The following DIP2C variants were observed in gnomAD, a reference collection of about 807,000 sequenced individuals.
The protein encoded by DIP2C is DIP2 acetate--CoA ligase C (putative), also known as disco-interacting protein 2 homolog C.
Under a neutral mutation model 192.4 loss-of-function variants are expected in DIP2C, and 33 were observed. The observed-to-expected ratio is 0.17, with a 90% CI of 0.13 to 0.23. The LOEUF (loss-of-function observed/expected upper bound fraction) is 0.23. Among genes scored for constraint, DIP2C ranks in the 10% least tolerant of loss-of-function variants. DIP2C has a pLI of 1.00. For missense variants in DIP2C, 1,537 were observed against 2,110.1 expected (o/e 0.73, Z 5.32); for synonymous variants, 979 against 864.1 (o/e 1.13, Z -2.33).
At chr10:617,604 G>T (rs368898564) in intron 1 of DIP2C, among the ~76,000 whole-genome samples, 1 of 152,006 alleles carries the variant, frequency 6.6e-6, no homozygotes, top group Admixed American at 6.5e-5. Context: ...GACCTGCCAC[G>T]TAGCGGCCAC....
At chr10:537,419 T>C (rs1847750413) in intron 1 of DIP2C, among the ~76,000 whole-genome samples, 1 of 152,208 alleles carries the variant, frequency 6.6e-6, no homozygotes, top group Admixed American at 6.5e-5. Flanking sequence ...TGGCGCAGAC[T>C]CCGGTTCCTT....
At chr10:343,775 G>A (rs1958276184) in intron 28 of DIP2C, among the ~76,000 whole-genome samples, 1 of 152,218 alleles carries the variant, frequency 6.6e-6, no homozygotes. Flanking sequence ...CTATTTCTAG[G>A]TGGAGAATTC....
chr10:283,166 C>A, intron 35 of DIP2C, 106 bp downstream of exon 35: 1 of 1,441,690 alleles, frequency 6.9e-7, no homozygotes, highest in Non-Finnish European at 9.4e-7. Flanking sequence ...GCACACGTGC[C>A]CTCCTGGCTT....
intron 1 of DIP2C, chr10:665,654 G>A (rs528625142): frequency 2.0e-5 from 3 of 152,316 alleles, no homozygotes; most frequent in Admixed American, 2.0e-4. Flanking sequence ...CTGGGACATC[G>A]TCCTCCACCC....
rs1052288973 is a variant in DIP2C, at chr10:296,592, T to G, written c.3987-8171A>C. The stretch of plus-strand genomic sequence containing the variant: ...TGCTATAAAGACACATCCACACGTA[T>G]GTTCATTGCGGCACTATTCACAATA... On this transcript the variant is annotated intron_variant, in intron 32 of 36. Coordinates refer to ENST00000280886, the MANE Select transcript of DIP2C (RefSeq NM_014974.3). 2.0e-5 allele frequency among the ~76,000 whole-genome samples: 3 copies of G among 152,154 alleles called. No homozygotes were observed. The South Asian group carries it at 6.2e-4, about 31-fold the overall frequency.
chr10:665,573 G>A lies in DIP2C; in HGVS notation c.85+23921C>T, dbSNP rs1258826807. ...AAAGCACACACAGTTGGTTGGGAGC[G>A]CCTGGATTTTCTCTAGCAAAAGACT... is the stretch of plus-strand genomic sequence containing the variant. On this transcript the variant is annotated intron_variant, in intron 1 of 36. Coordinates refer to ENST00000280886, the MANE Select transcript of DIP2C (RefSeq NM_014974.3). 2.6e-5 allele frequency: 4 copies of A among 152,184 alleles called. No homozygotes were observed. In the South Asian group the frequency reaches 6.3e-4, roughly 24 times the overall value. 9.4% of individuals were successfully genotyped at this position (152,184 alleles called of 1,614,324 possible).
intron 1 of DIP2C, among the ~76,000 whole-genome samples, chr10:519,890 GCACACCCACA>G (rs72386179): frequency 0.083 from 12,700 of 152,228 alleles, 645 homozygotes; most frequent in East Asian, 0.18. Flanking sequence ...CCACAAGGCT[GCACACCCACA>G]GCCACCCAGC....
At chr10:490,912 A>G (rs146287206) in intron 1 of DIP2C, among the ~76,000 whole-genome samples, 1 of 152,340 alleles carries the variant, frequency 6.6e-6, no homozygotes, top group East Asian at 1.9e-4. Flanking sequence ...AGAAGGTCGA[A>G]TGAGACTGAG....
chr10:514,282 G>A (rs750468252), intron 1 of DIP2C, among the ~76,000 whole-genome samples: 6 of 152,082 alleles, frequency 3.9e-5, no homozygotes, highest in African/African-American at 1.2e-4. Context: ...CGTTCAATAC[G>A]TCAAGCTTGT....
chr10:284,853 T>C (rs1220578484), intron 34 of DIP2C, among the ~76,000 whole-genome samples: 7 of 152,214 alleles, frequency 4.6e-5, no homozygotes, highest in Non-Finnish European at 1.0e-4. Flanking sequence ...TTAATTTATA[T>C]AACTTTCTCA....
rs1564291229 is a variant in DIP2C at position 636,527 on chromosome 10, A to C, written c.85+52967T>G. On this transcript the variant is annotated intron_variant, in intron 1 of 36. Coordinates refer to ENST00000280886, the MANE Select transcript of DIP2C (RefSeq NM_014974.3). The surrounding 1 kb of genome is among the most constrained non-coding windows in gnomAD (Gnocchi z 4.6). ...GTCCTCACGCACGCGTTCCCTAAGA[A>C]TAAAGGACCCTCTGCAGCCGCAGAA... 6.6e-6 allele frequency among the ~76,000 whole-genome samples: 1 copy of C among 152,264 alleles called. No homozygotes were observed. The highest frequency in any genetic ancestry group is 1.9e-4 in the East Asian group (1 of 5,170).
chr10:654,199 C>T (rs557665770), intron 1 of DIP2C, among the ~76,000 whole-genome samples: 2 of 152,184 alleles, frequency 1.3e-5, no homozygotes, highest in Non-Finnish European at 2.9e-5. Context: ...TTGGTAGTGA[C>T]GCTTTCATTC....
intron 1 of DIP2C, among the ~76,000 whole-genome samples, chr10:661,536 C>G (rs1437128654): frequency 1.3e-5 from 2 of 152,236 alleles, no homozygotes; most frequent in Non-Finnish European, 1.5e-5. Context: ...GTCCCACCCC[C>G]TGGTTTTCAG....
intron 1 of DIP2C, among the ~76,000 whole-genome samples, chr10:656,754 C>A (rs1435006165): frequency 2.0e-5 from 3 of 152,220 alleles, no homozygotes; most frequent in Admixed American, 2.0e-4. Context: ...GGAAGACAGA[C>A]GGCTGTCGGT....
intron 32 of DIP2C, among the ~76,000 whole-genome samples, chr10:306,816 C>G (rs1956346027): frequency 1.3e-5 from 2 of 152,224 alleles, no homozygotes; most frequent in East Asian, 3.8e-4. Context: ...CTCTTCACAG[C>G]ATTCCTTTAC....
intron 1 of DIP2C, among the ~76,000 whole-genome samples, chr10:648,827 C>T (rs1256232931): frequency 2.0e-5 from 3 of 149,568 alleles, no homozygotes; most frequent in Non-Finnish European, 4.4e-5. Flanking sequence ...AGTCCACGTC[C>T]ACATTTGACG....
chr10:354,206 A>G (rs1958964592), intron 24 of DIP2C, among the ~76,000 whole-genome samples: 3 of 152,230 alleles, frequency 2.0e-5, no homozygotes, highest in South Asian at 2.1e-4. Flanking sequence ...TAAATCACTC[A>G]TGGCTCTGAT....
rs562049450 is a variant in DIP2C, at chr10:526,128, G to A, written c.86-39598C>T. Among the ~76,000 whole-genome samples, 5 of 152,274 alleles carry A rather than the reference G, an allele frequency of 3.3e-5. 1 individual carries two copies. The South Asian group carries it at 6.2e-4, about 19-fold the overall frequency. On this transcript the variant is annotated intron_variant, in intron 1 of 36. Transcript: ENST00000280886. ...AGAGAAGGGAATTACAAAGGAAAGC[G>A]TCCACCTGAAACAGGACCGACCGGG...
At chr10:375,286 C>T (rs1009125077) in intron 17 of DIP2C, among the ~76,000 whole-genome samples, 10 of 152,156 alleles carry the variant, frequency 6.6e-5, no homozygotes, top group African/African-American at 2.2e-4. Context: ...CTCTCTTGCT[C>T]GCTCAATCTC....
Sources: gnomAD v4.1 joint callset for allele counts (sites outside exome capture counted in the v4.1 genomes callset) on GRCh38, gnomAD v4.1.1 for gene constraint, Gnocchi (gnomAD v3.1) non-coding constraint, MANE v1.5 for transcripts, NCBI Gene and HGNC (gene_info 2026-07-23, HGNC 2026-07-21) for gene names.